Variants in AFMID observed in about 807,000 individuals in gnomAD.
AFMID encodes kynurenine formamidase.
AFMID carries 39 observed loss-of-function variants against 47.5 expected under a neutral mutation model. The observed-to-expected ratio is 0.82, with a 90% confidence interval of 0.64 to 1.07. The LOEUF is 1.07. AFMID is among the 50% of genes least tolerant of loss of function. The pLI is 0.00. For synonymous variants in AFMID, 130 were observed against 153.2 expected (o/e 0.85, Z 1.12); for missense variants, 375 against 387.5 (o/e 0.97, Z 0.27).
intron 1 of AFMID, among the ~76,000 whole-genome samples, chr17:78,187,960 CAAAAAAAAAAAAAA>C (rs34018698): frequency 8.8e-5 from 5 of 56,678 alleles, no homozygotes; most frequent in Non-Finnish European, 1.2e-4. Context: ...GACTTAGTCT[CAAAAAAAAAAAAAA>C]AAAAAAAAAA....
chr17:78,194,358 C>T (rs1179951526), intron 2 of AFMID, among the ~76,000 whole-genome samples: 1 of 152,052 alleles, frequency 6.6e-6, no homozygotes, highest in African/African-American at 2.4e-5. Flanking sequence ...CTCCTGGCCT[C>T]GAGTGATCTG....
intron 6 of AFMID, 65 bp from the exon 7 acceptor site, chr17:78,205,027 CG>C: frequency 6.4e-7 from 1 of 1,561,578 alleles, no homozygotes; most frequent in Middle Eastern, 1.7e-4. Context: ...TGGGACTCTT[CG>C]AAGGGGGCCT....
In AFMID at chr17:78,207,012, CACTG is replaced by C; in HGVS notation, c.*78_*81del. On this transcript the variant is annotated 3_prime_UTR_variant, in exon 11 of 11. Coordinates refer to ENST00000409257, the MANE Select transcript of AFMID (RefSeq NM_001010982.5). ...CTCTCCAAAGAGCTTTCGGAGCTGA[CACTG>C]ACAGCTTCAGTTTCCCCCAGCACCC... 1 of 1,492,420 alleles carries C rather than the reference CACTG, an allele frequency of 6.7e-7. No individual in the cohort carries two copies. The highest frequency in any genetic ancestry group is 9.4e-7 in the Non-Finnish European group (1 of 1,069,378). The allele number at this position is 1,492,420 out of a possible 1,614,324, so 92.4% of individuals were successfully genotyped here.
chr17:78,205,619 A>AGGGCCCAGGG lies in AFMID; in HGVS notation c.661_662insGGGCCCAGGG (p.Asn221ArgfsTer5). On this transcript the variant is annotated frameshift_variant, in exon 9 of 11. Coordinates refer to ENST00000409257, the MANE Select transcript of AFMID (RefSeq NM_001010982.5). LOFTEE classifies it high-confidence loss of function. Reference sequence around the variant, plus strand: ...CCACCCCAGGGAGGACGCTCAGAGGAATAGCCCCCAGCTGAAGGTGGCCCA... The same window carrying AGGGCCCAGGG: ...CCACCCCAGGGAGGACGCTCAGAGGAGGGCCCAGGGATAGCCCCCAGCTGAAGGTGGCCCA... 6.2e-7 allele frequency: 1 copy of AGGGCCCAGGG among 1,613,718 alleles called. No individual in the cohort carries two copies. The highest frequency in any genetic ancestry group is 8.5e-7 in the Non-Finnish European group (1 of 1,179,774).
chr17:78,201,086 T>C lies in AFMID; in HGVS notation c.155-1413T>C, dbSNP rs889323892. The stretch of plus-strand genomic sequence containing the variant: ...ATCTCAGCTCACTGCAGCTTCTGCC[T>C]CCCAGGTTCAAGTAATCCTCCCACT... On this transcript the variant is annotated intron_variant, in intron 2 of 10. Coordinates refer to ENST00000409257, the MANE Select transcript of AFMID (RefSeq NM_001010982.5). Among the ~76,000 whole-genome samples the C allele has an allele frequency of 5.3e-5, 8 of 151,400 alleles. No homozygotes were observed. In the South Asian group the frequency reaches 1.5e-3, roughly 28 times the overall value.
chr17:78,195,192 C>CT (rs1023541874), intron 2 of AFMID, among the ~76,000 whole-genome samples: 27 of 79,000 alleles, frequency 3.4e-4, no homozygotes, highest in African/African-American at 5.8e-4. Context: ...CAGTTTCTTT[C>CT]TTTTTTTTTT....
intron 1 of AFMID, among the ~76,000 whole-genome samples, chr17:78,188,275 G>A (rs2075857416): frequency 6.6e-6 from 1 of 152,138 alleles, no homozygotes; most frequent in Non-Finnish European, 1.5e-5. Context: ...GGATCCTACA[G>A]GTAATAACCT....
In AFMID at chr17:78,202,521, C is replaced by CA. The variant is rs759846516; in HGVS notation, c.178dup (p.Arg60LysfsTer27). On this transcript the variant is annotated frameshift_variant, in exon 3 of 11. Transcript: ENST00000409257. LOFTEE classifies it high-confidence loss of function. ...CAGCCACCACAAGGGCCCGGGCCAC[C>CA]AGGAAGAGCCTGCTGCATGTCCCCT... The CA allele has an allele frequency of 3.4e-5, 55 of 1,614,096 alleles. No individual in the cohort carries two copies. The highest frequency in any genetic ancestry group is 3.0e-4 in the Admixed American group (18 of 60,008).
chr17:78,197,137 C>T, intron 2 of AFMID: 2 of 1,549,172 alleles, frequency 1.3e-6, no homozygotes, highest in Non-Finnish European at 8.7e-7. Flanking sequence ...TAATCTAGTC[C>T]ATTTATAGGC....
chr17:78,196,134 C>T (rs1230394985), intron 2 of AFMID, among the ~76,000 whole-genome samples: 3 of 151,016 alleles, frequency 2.0e-5, no homozygotes, highest in Admixed American at 6.6e-5. Context: ...GAGGCCAAGG[C>T]GGTGGGAATC....
chr17:78,194,715 C>T (rs1480514506), intron 2 of AFMID, among the ~76,000 whole-genome samples: 4 of 151,164 alleles, frequency 2.6e-5, no homozygotes, highest in Admixed American at 6.6e-5. Context: ...TTTTTTAAGA[C>T]GGAGTTTTGC....
At chr17:78,200,874 G>T (rs1225073874) in intron 2 of AFMID, among the ~76,000 whole-genome samples, 2 of 152,156 alleles carry the variant, frequency 1.3e-5, no homozygotes, top group Non-Finnish European at 2.9e-5. Flanking sequence ...AAGATGACTA[G>T]ACCAGGTTCC....
intron 1 of AFMID, among the ~76,000 whole-genome samples, chr17:78,189,757 T>C (rs2075910491): frequency 6.6e-6 from 1 of 151,792 alleles, no homozygotes; most frequent in Non-Finnish European, 1.5e-5. Context: ...TGGACTCAAG[T>C]GATCTGCCTA....
chr17:78,203,033 T>G, intron 4 of AFMID: 2 of 353,704 alleles, frequency 5.7e-6, no homozygotes, highest in Admixed American at 4.4e-5. Flanking sequence ...CTGGTGTTCC[T>G]GGGTCTCAAA....
chr17:78,190,137 T>C, intron 1 of AFMID, among the ~76,000 whole-genome samples: 1 of 151,512 alleles, frequency 6.6e-6, no homozygotes, highest in Admixed American at 6.6e-5. Context: ...TCTGTTTTTT[T>C]TTTTCTTTTT....
intron 2 of AFMID, among the ~76,000 whole-genome samples, chr17:78,199,828 C>A (rs777072520): frequency 6.6e-6 from 1 of 152,136 alleles, no homozygotes; most frequent in Non-Finnish European, 1.5e-5. Flanking sequence ...GGGAGATCAA[C>A]CCAGCAGCCC....
In AFMID at chr17:78,206,057, C is replaced by T. The variant is rs776231870; in HGVS notation, c.885+7C>T. ...GGACAACGTGCTCACCCAGGTGGGG[C>T]CTCATCCCTGGCAGCCCTTTCATGG... On this transcript the variant is annotated splice_region_variant and intron_variant, in intron 10 of 10. Coordinates refer to ENST00000409257, the MANE Select transcript of AFMID (RefSeq NM_001010982.5). 40 of 1,612,888 alleles carry T rather than the reference C, an allele frequency of 2.5e-5. No individual in the cohort carries two copies. In the South Asian group the frequency reaches 4.3e-4, roughly 17 times the overall value.
At chr17:78,202,967 C>T (rs1385565175) in intron 4 of AFMID, 3 of 599,580 alleles carry the variant, frequency 5.0e-6, no homozygotes, top group Non-Finnish European at 8.9e-6. Context: ...TGGCCTTAGA[C>T]AGCCCTTAGC....
At chr17:78,192,575 A>T (rs575682896) in intron 2 of AFMID, 1 of 467,568 alleles carries the variant, frequency 2.1e-6, no homozygotes, top group Non-Finnish European at 4.4e-6. Context: ...CGGCCTCCCA[A>T]AGTGCTGGGA....
Sources: allele counts gnomAD v4.1 joint callset (sites outside exome capture counted in the v4.1 genomes callset), GRCh38; gene constraint gnomAD v4.1.1; transcripts MANE v1.5; gene names NCBI Gene and HGNC (gene_info 2026-07-23, HGNC 2026-07-21).